Variants in SNTG1 observed in about 807,000 individuals in gnomAD.
The protein encoded by SNTG1 is syntrophin gamma 1, also known as gamma-1-syntrophin.
A neutral mutation model predicts 74.7 loss-of-function variants in SNTG1; 39 were observed. The ratio of observed to expected loss-of-function variants is 0.52; its 90% CI spans 0.40 to 0.68. The LOEUF (loss-of-function observed/expected upper bound fraction) is 0.68, where lower values mean the gene tolerates loss of function less well. SNTG1 is among the 30% of genes least tolerant of loss of function. The pLI is 0.00. For missense variants in SNTG1, 685 were observed against 609.5 expected (o/e 1.12, Z -1.30); for synonymous variants, 254 against 217.1 (o/e 1.17, Z -1.49).
At chr8:50,418,837 T>C (rs1432432869) in intron 4 of SNTG1, among the ~76,000 whole-genome samples, 1 of 152,146 alleles carries the variant, frequency 6.6e-6, no homozygotes, top group Non-Finnish European at 1.5e-5. Context: ...CTGGAATCTC[T>C]CATTACTCTA....
At chr8:50,261,922 T>G (rs1179640198) in intron 2 of SNTG1, among the ~76,000 whole-genome samples, 4 of 152,236 alleles carry the variant, frequency 2.6e-5, no homozygotes, top group Middle Eastern at 3.4e-3. Context: ...GAATGTAAAT[T>G]TATTAATAAT....
At chr8:49,937,149 AAAAC>A (rs373900527) in intron 1 of SNTG1, among the ~76,000 whole-genome samples, 1,928 of 152,076 alleles carry the variant, frequency 0.013, 43 homozygotes, top group African/African-American at 0.042. Context: ...ACTCCGTCTC[AAAAC>A]AAACAAACAA....
intron 4 of SNTG1, among the ~76,000 whole-genome samples, chr8:50,435,563 T>C (rs766830615): frequency 6.6e-6 from 1 of 152,128 alleles, no homozygotes; most frequent in Non-Finnish European, 1.5e-5. Flanking sequence ...TGGGAATATA[T>C]TAGCAGAGGC....
chr8:50,783,701 C>T (rs2095666818), intron 18 of SNTG1, among the ~76,000 whole-genome samples: 1 of 152,170 alleles, frequency 6.6e-6, no homozygotes, highest in African/African-American at 2.4e-5. Flanking sequence ...TGCGCTGCAC[C>T]CAGTGTCCTG....
At chr8:50,315,061 C>T (rs16914706) in intron 2 of SNTG1, among the ~76,000 whole-genome samples, 20,071 of 149,100 alleles carry the variant, frequency 0.13, 2,031 homozygotes, top group Middle Eastern at 0.16. Flanking sequence ...CTAAATATTG[C>T]GAATGGATTG....
At chr8:49,963,370 C>A (rs1047362241) in intron 1 of SNTG1, among the ~76,000 whole-genome samples, 6 of 152,190 alleles carry the variant, frequency 3.9e-5, no homozygotes, top group Non-Finnish European at 8.8e-5. Context: ...CTTGGCACGG[C>A]TGATTTTGTT....
intron 18 of SNTG1, among the ~76,000 whole-genome samples, chr8:50,773,945 G>T (rs2095633593): frequency 6.6e-6 from 1 of 151,994 alleles, no homozygotes; most frequent in Non-Finnish European, 1.5e-5. Flanking sequence ...CAGTTGAAAA[G>T]TACAATTACT....
chr8:50,790,032 G>T (rs1585804530), intron 18 of SNTG1, among the ~76,000 whole-genome samples: 1 of 151,874 alleles, frequency 6.6e-6, no homozygotes, highest in African/African-American at 2.4e-5. Context: ...CACAAACATG[G>T]AAATGGCTCA....
chr8:50,571,409 C>G (rs368324932), intron 12 of SNTG1, among the ~76,000 whole-genome samples: 1 of 152,196 alleles, frequency 6.6e-6, no homozygotes, highest in South Asian at 2.1e-4. Flanking sequence ...AAAGAAACAG[C>G]CTGCTGATAA....
chr8:50,128,531 CAT>C (rs1251378319), intron 1 of SNTG1, among the ~76,000 whole-genome samples: 1 of 152,104 alleles, frequency 6.6e-6, no homozygotes, highest in Middle Eastern at 3.2e-3. Flanking sequence ...TTCCTACACA[CAT>C]GTCCAGATAA....
intron 18 of SNTG1, among the ~76,000 whole-genome samples, chr8:50,754,939 A>C (rs563290689): frequency 6.6e-6 from 1 of 151,600 alleles, no homozygotes; most frequent in Non-Finnish European, 1.5e-5. Context: ...TCCTTTTTTA[A>C]ATAGACTTTA....
At chr8:50,052,071 T>C (rs777650454) in intron 1 of SNTG1, among the ~76,000 whole-genome samples, 1 of 152,096 alleles carries the variant, frequency 6.6e-6, no homozygotes, top group Non-Finnish European at 1.5e-5. Context: ...AAAATTCATA[T>C]GCAAGAGACC....
At position 50,162,183 on chromosome 8, in the gene SNTG1, G is replaced by A. The variant is rs181835210; in HGVS notation, c.-102-10378G>A. ...CCCTGGTTCTTGTCAGAGCAGCTCT[G>A]TGAATAACCTGAGAGCAGGAAAATA... On this transcript the variant is annotated intron_variant, in intron 1 of 18. Coordinates refer to ENST00000642720, the MANE Select transcript of SNTG1 (RefSeq NM_018967.5). 1.9e-3 allele frequency among the ~76,000 whole-genome samples: 288 copies of A among 152,284 alleles called. 4 individuals are homozygous for A. The highest frequency in any genetic ancestry group is 0.017 in the Admixed American group (253 of 15,292).
intron 1 of SNTG1, among the ~76,000 whole-genome samples, chr8:49,922,203 GCAAACAGAAGTTTGCTTTTGTCT>G (rs968145209): frequency 6.6e-6 from 1 of 152,058 alleles, no homozygotes; most frequent in African/African-American, 2.4e-5. Context: ...CCGAGTTCAG[GCAAACAGAAGTTTGCTTTTGTCT>G]GATACTCAAA....
At chr8:50,394,828 C>T (rs1348009745) in intron 3 of SNTG1, among the ~76,000 whole-genome samples, 1 of 143,900 alleles carries the variant, frequency 6.9e-6, no homozygotes, top group Non-Finnish European at 1.5e-5. Context: ...ACCATTCCAT[C>T]TTAGGAAGAA....
chr8:50,162,390 G>A (rs543730489), intron 1 of SNTG1, among the ~76,000 whole-genome samples: 48 of 151,818 alleles, frequency 3.2e-4, no homozygotes, highest in African/African-American at 1.1e-3. Context: ...GTGAAACCCC[G>A]TCTCTACTAA....
intron 12 of SNTG1, among the ~76,000 whole-genome samples, chr8:50,553,799 T>A (rs1048566977): frequency 5.9e-5 from 9 of 152,184 alleles, no homozygotes; most frequent in African/African-American, 2.2e-4. Flanking sequence ...AATAATTCTA[T>A]GAGAAATATA....
intron 2 of SNTG1, among the ~76,000 whole-genome samples, chr8:50,315,704 A>T (rs1230786513): frequency 7.2e-6 from 1 of 138,238 alleles, no homozygotes; most frequent in Non-Finnish European, 1.5e-5. Flanking sequence ...CTTATAGTGA[A>T]TATGCCTTCC....
At chr8:50,504,532 G>A (rs966388806) in intron 9 of SNTG1, among the ~76,000 whole-genome samples, 19 of 152,088 alleles carry the variant, frequency 1.2e-4, no homozygotes, top group African/African-American at 4.3e-4. Flanking sequence ...TGGCCCATGC[G>A]TGTAATCCCA....
Sources: allele counts gnomAD v4.1 joint callset (sites outside exome capture counted in the v4.1 genomes callset), GRCh38; gene constraint gnomAD v4.1.1; transcripts MANE v1.5; gene names NCBI Gene and HGNC (gene_info 2026-07-23, HGNC 2026-07-21).